The following CCNI variants were observed in gnomAD, a reference collection of about 807,000 sequenced individuals.
The protein encoded by CCNI is cyclin-I.
In CCNI, 14 loss-of-function variants were observed where a neutral mutation model predicts 34.1. That is an observed-to-expected ratio of 0.41 (90% CI 0.27 to 0.64). The LOEUF (loss-of-function observed/expected upper bound fraction) is 0.64, where lower values mean the gene tolerates loss of function less well. Ranked by LOEUF, CCNI falls within the 30% of genes least tolerant of loss-of-function variation. The pLI, the probability that CCNI is intolerant of heterozygous loss-of-function variation, is 0.31. For missense variants in CCNI, 385 were observed against 440.5 expected, an observed-to-expected ratio of 0.87 and a Z score of 1.13; for synonymous variants, 154 against 158.4, an observed-to-expected ratio of 0.97 and a Z score of 0.21.
intron 2 of CCNI, among the ~76,000 whole-genome samples, chr4:77,059,537 G>T (rs1728461972): frequency 6.6e-6 from 1 of 151,770 alleles, no homozygotes; most frequent in Non-Finnish European, 1.5e-5. Context: ...TTGATTTCCT[G>T]TTCAATATTT....
intron 1 of CCNI, among the ~76,000 whole-genome samples, chr4:77,068,306 T>C (rs1367703255): frequency 1.3e-5 from 2 of 152,192 alleles, no homozygotes; most frequent in African/African-American, 4.8e-5. Context: ...ACAATATTTA[T>C]ACAGCAATAA....
Position 77,066,236 on chromosome 4 carries a change from G to T in CCNI, c.114+13C>A. On this transcript the variant is annotated intron_variant, in intron 2 of 6. Coordinates refer to ENST00000237654, the MANE Select transcript of CCNI (RefSeq NM_006835.3). ...CTAATAAAATTCATCTGTCTTAAGA[G>T]AAAAATCATTACCTGATTTGAAGGC... 5 of 1,607,558 alleles carry T rather than the reference G, an allele frequency of 3.1e-6. No homozygotes were observed. Among genetic ancestry groups the T allele is most frequent in the Non-Finnish European group, 4.3e-6 (5 of 1,174,378 alleles).
intron 1 of CCNI, among the ~76,000 whole-genome samples, chr4:77,067,857 A>C (rs1729168437): frequency 6.6e-6 from 1 of 150,464 alleles, no homozygotes; most frequent in Admixed American, 6.6e-5. Context: ...CTGTGTGTAG[A>C]AAATTGGATT....
rs577666920 is a variant in CCNI, at chr4:77,070,164, C to T, written c.-43-3759G>A. 2.0e-5 allele frequency among the ~76,000 whole-genome samples: 3 copies of T among 151,948 alleles called. No individual in the cohort carries two copies. The East Asian group carries it at 5.8e-4, about 29-fold the overall frequency. On this transcript the variant is annotated intron_variant, in intron 1 of 6. Transcript: ENST00000237654. ...TCCTGAGTAGCTGGGATTACAGGCA[C>T]ACACCACCACACATGGCTAATTTTT...
At chr4:77,052,816 CAAAAACAG>C (rs1391835479) in intron 6 of CCNI, among the ~76,000 whole-genome samples, 2 of 152,104 alleles carry the variant, frequency 1.3e-5, no homozygotes, top group African/African-American at 4.8e-5. Context: ...GCAAACTTAG[CAAAAACAG>C]AAATGAGTCC....
chr4:77,048,663 C>G lies in CCNI; in HGVS notation c.691-1G>C. On this transcript the variant is annotated splice_acceptor_variant, in intron 6 of 6. Coordinates refer to ENST00000237654, the MANE Select transcript of CCNI (RefSeq NM_006835.3). LOFTEE classifies it high-confidence loss of function. ...AATGGATCAACTGGGAGCTATCCAT[C>G]TGGGCCAGGAAAAAAAAAAAGCCAC... 6.6e-7 allele frequency: 1 copy of G among 1,510,674 alleles called. No homozygotes were observed. The highest frequency in any genetic ancestry group is 8.8e-7 in the Non-Finnish European group (1 of 1,130,610). 93.6% of individuals were successfully genotyped at this position (1,510,674 alleles called of 1,614,324 possible). A position where few individuals can be genotyped will look rare whatever the true frequency, so the allele number is the denominator to read the frequency against.
rs539082388 is a variant in CCNI at position 77,055,967 on chromosome 4, G to A, written c.454C>T (p.His152Tyr). The change falls in exon 5 of 7, where the codon CAT (histidine) becomes TAT (tyrosine). Residue 152 changes from histidine to tyrosine, a missense_variant. His to Tyr is a moderately conservative substitution (Grantham distance 83, BLOSUM62 2). Transcript: ENST00000237654. Reference protein sequence around the residue: ...LHTATPLDFLHIFHAIAVSTR... With the variant: ...LHTATPLDFLYIFHAIAVSTR... Reference sequence around the variant, plus strand: ...AAGACTTCAGGTATATTTACAATATGAAGAAAATCCAATGGTGTGGCTGTG... The same window carrying A: ...AAGACTTCAGGTATATTTACAATATAAAGAAAATCCAATGGTGTGGCTGTG... 1 of 1,609,082 alleles carries A rather than the reference G, an allele frequency of 6.2e-7. No individual in the cohort carries two copies. The highest frequency in any genetic ancestry group is 1.7e-5 in the Admixed American group (1 of 59,268).
chr4:77,050,997 TAAA>T (rs1727785011), intron 6 of CCNI, among the ~76,000 whole-genome samples: 1 of 152,146 alleles, frequency 6.6e-6, no homozygotes. Flanking sequence ...GTCTCTTATA[TAAA>T]ATAATGTAGT....
Position 77,075,547 on chromosome 4 carries a change from G to C in CCNI, c.-119C>G, listed in dbSNP as rs1181007163. 4 of 988,524 alleles carry C rather than the reference G, an allele frequency of 4.0e-6. No individual in the cohort carries two copies. The African/African-American group carries it at 7.0e-5, about 17-fold the overall frequency. The allele number at this position is 988,524 out of a possible 1,614,324, so 61.2% of individuals were successfully genotyped here. On this transcript the variant is annotated 5_prime_UTR_variant, in exon 1 of 7. Coordinates refer to ENST00000237654, the MANE Select transcript of CCNI (RefSeq NM_006835.3). ...CACAGTGGTGACGCGGGGTCATCCG[G>C]GGGCCCGTTACCACCTCATTCTCAT...
At chr4:77,066,166 T>G in intron 2 of CCNI, 83 bp downstream of exon 2, 1 of 1,093,846 alleles carries the variant, frequency 9.1e-7, no homozygotes, top group Non-Finnish European at 1.4e-6. Context: ...ACTCCTCCAA[T>G]GTAGTGTCAA....
At chr4:77,069,442 T>TA (rs368074187) in intron 1 of CCNI, among the ~76,000 whole-genome samples, 6,422 of 114,116 alleles carry the variant, frequency 0.056, 441 homozygotes, top group African/African-American at 0.16. Flanking sequence ...TATATATATA[T>TA]TTTTTTTATT....
chr4:77,075,487 C>T lies in CCNI; in HGVS notation c.-59G>A, dbSNP rs1489529002. ...CGCCCCTCACCTTCTCCTCCTCTTC[C>T]TCCTCCTCCTCCTCCCCGGCAGAGC... On this transcript the variant is annotated 5_prime_UTR_variant, in exon 1 of 7. Transcript: ENST00000237654. 7 of 863,320 alleles carry T rather than the reference C, an allele frequency of 8.1e-6. No homozygotes were observed. The highest frequency in any genetic ancestry group is 9.8e-6 in the Non-Finnish European group (7 of 717,198). The allele number at this position is 863,320 out of a possible 1,614,324, so 53.5% of individuals were successfully genotyped here.
At chr4:77,075,210 T>A (rs927799526) in intron 1 of CCNI, 2 of 152,234 alleles carry the variant, frequency 1.3e-5, no homozygotes, top group Non-Finnish European at 2.9e-5. Flanking sequence ...AGTTACTCGC[T>A]GACAGAAAAA....
At chr4:77,063,344 TAAAAAAAAA>T (rs745761323) in intron 2 of CCNI, among the ~76,000 whole-genome samples, 2 of 77,268 alleles carry the variant, frequency 2.6e-5, no homozygotes. Context: ...GAAAGGGAGG[TAAAAAAAAA>T]AAAAAAAAAA....
chr4:77,054,035 GA>G (rs1401895544), intron 6 of CCNI, among the ~76,000 whole-genome samples: 1 of 152,042 alleles, frequency 6.6e-6, no homozygotes, highest in African/African-American at 2.4e-5. Flanking sequence ...ACCTTTTTAT[GA>G]AAAGACTGAG....
At position 77,048,322 on chromosome 4, in the gene CCNI, T is replaced by C. The variant is rs1487193735; in HGVS notation, c.1031A>G (p.Asp344Gly). The C allele has an allele frequency of 2.5e-6, 4 of 1,614,010 alleles. No homozygotes were observed. The highest frequency in any genetic ancestry group is 3.4e-6 in the Non-Finnish European group (4 of 1,180,002). The change falls in exon 7 of 7, where the codon GAT (aspartate) becomes GGT (glycine). Residue 344 changes from aspartate (D) to glycine (G), a missense_variant. Transcript: ENST00000237654. ...YDGIKRLYNEDNVSENVGSVC... is the reference protein window; with the variant it reads ...YDGIKRLYNEGNVSENVGSVC... ...AGAACCCACATTTTCTGAGACATTA[T>C]CTTCATTATAGAGCCGTTTGATTCC...
intron 3 of CCNI, among the ~76,000 whole-genome samples, chr4:77,057,948 C>G (rs2109808452): frequency 6.6e-6 from 1 of 152,224 alleles, no homozygotes; most frequent in Middle Eastern, 3.4e-3. Context: ...ACGGTTTGTG[C>G]TAAAATCAAG....
At chr4:77,057,537 C>T (rs1220770873) in intron 3 of CCNI, among the ~76,000 whole-genome samples, 1 of 152,200 alleles carries the variant, frequency 6.6e-6, no homozygotes. Flanking sequence ...CCCCAGTTTA[C>T]ATATTCTTTT....
intron 6 of CCNI, among the ~76,000 whole-genome samples, chr4:77,053,933 C>A (rs945316776): frequency 6.6e-6 from 1 of 152,070 alleles, no homozygotes; most frequent in Non-Finnish European, 1.5e-5. Context: ...TTATTTTAAT[C>A]TAAGACAATT....
Sources: allele counts gnomAD v4.1 joint callset (sites outside exome capture counted in the v4.1 genomes callset), GRCh38; gene constraint gnomAD v4.1.1; transcripts MANE v1.5; gene names NCBI Gene and HGNC (gene_info 2026-07-23, HGNC 2026-07-21).